STXBP5L: variants seen among roughly 807,000 people sequenced by gnomAD.
STXBP5L encodes the protein syntaxin binding protein 5L, also known as syntaxin-binding protein 5-like.
Under a neutral mutation model 144.5 loss-of-function variants are expected in STXBP5L, and 65 were observed. The ratio of observed to expected loss-of-function variants is 0.45; its 90% confidence interval spans 0.37 to 0.55. The LOEUF is 0.55. STXBP5L is among the 20% of genes least tolerant of loss of function. The probability of loss-of-function intolerance (pLI) is 0.00; values close to 1 mark genes in which losing one functional copy is unlikely to be tolerated. For missense variants in STXBP5L, 1,298 were observed against 1,405.5 expected (o/e 0.92, Z 1.22); for synonymous variants, 505 against 469.6 (o/e 1.08, Z -0.97).
chr3:121,337,947 G>A (rs1284001973), intron 20 of STXBP5L, among the ~76,000 whole-genome samples: 1 of 151,978 alleles, frequency 6.6e-6, no homozygotes, highest in Non-Finnish European at 1.5e-5. Flanking sequence ...ATCTGCTCCT[G>A]GATGATTTGG....
At chr3:121,193,525 A>G (rs2047792925) in intron 9 of STXBP5L, among the ~76,000 whole-genome samples, 1 of 152,210 alleles carries the variant, frequency 6.6e-6, no homozygotes. Flanking sequence ...ATGTACATGT[A>G]TGTTTATTGT....
intron 9 of STXBP5L, among the ~76,000 whole-genome samples, chr3:121,178,781 T>A (rs1417756021): frequency 1.3e-5 from 2 of 152,004 alleles, no homozygotes; most frequent in Non-Finnish European, 2.9e-5. Context: ...AGTCTCCAGC[T>A]CAAGCCCAGG....
At chr3:121,381,829 T>A (rs908465608) in intron 22 of STXBP5L, among the ~76,000 whole-genome samples, 1 of 152,126 alleles carries the variant, frequency 6.6e-6, no homozygotes, top group African/African-American at 2.4e-5. Context: ...ATGCAAAACT[T>A]AAATTTATTT....
intron 23 of STXBP5L, among the ~76,000 whole-genome samples, chr3:121,412,047 T>TTATTTA (rs3044700): frequency 0.79 from 119,457 of 151,368 alleles, 47,266 homozygotes; most frequent in East Asian, 0.89. Flanking sequence ...CCTGTGATTT[T>TTATTTA]TATGATTTTA....
intron 3 of STXBP5L, among the ~76,000 whole-genome samples, chr3:120,998,256 T>G (rs1943507685): frequency 6.6e-6 from 1 of 152,050 alleles, no homozygotes; most frequent in Admixed American, 6.6e-5. Flanking sequence ...GAGAAAGAAG[T>G]AAAGTCCTCC....
intron 5 of STXBP5L, among the ~76,000 whole-genome samples, chr3:121,079,968 G>T (rs116238660): frequency 2.6e-5 from 4 of 152,060 alleles, no homozygotes; most frequent in Non-Finnish European, 5.9e-5. Flanking sequence ...TTATTTCTTA[G>T]GTCTAGTACT....
chr3:120,931,624 GA>G (rs1325624570), intron 2 of STXBP5L, among the ~76,000 whole-genome samples: 1 of 152,112 alleles, frequency 6.6e-6, no homozygotes, highest in East Asian at 1.9e-4. Context: ...AAAGTTGCTA[GA>G]ATATGTTGCT....
At chr3:121,358,694 G>A (rs2045609704) in intron 20 of STXBP5L, among the ~76,000 whole-genome samples, 1 of 152,118 alleles carries the variant, frequency 6.6e-6, no homozygotes, top group African/African-American at 2.4e-5. Flanking sequence ...CTCTGTCCAT[G>A]AGTTTAATTG....
chr3:121,156,654 C>A (rs1267866180), intron 8 of STXBP5L, among the ~76,000 whole-genome samples: 1 of 151,834 alleles, frequency 6.6e-6, no homozygotes, highest in Non-Finnish European at 1.5e-5. Flanking sequence ...ACAGTCAGCC[C>A]TCCGTATCCA....
At position 121,302,179 on chromosome 3, in the gene STXBP5L, A is replaced by C. The variant is rs1229228587; in HGVS notation, c.2111-16296A>C. Reference sequence around the variant, plus strand: ...CGGCTGTGAATACATCTGGTCCTGGACTTTTTTTTGGTTGGTAATTAATTA... The same window carrying C: ...CGGCTGTGAATACATCTGGTCCTGGCCTTTTTTTTGGTTGGTAATTAATTA... On this transcript the variant is annotated intron_variant, in intron 19 of 26. Transcript: ENST00000471454. Among the ~76,000 whole-genome samples the C allele has an allele frequency of 2.6e-5, 4 of 152,050 alleles. No homozygotes were observed. In the East Asian group the frequency reaches 5.8e-4, roughly 22 times the overall value.
At chr3:120,961,176 T>C (rs1263302097) in intron 3 of STXBP5L, among the ~76,000 whole-genome samples, 8 of 145,536 alleles carry the variant, frequency 5.5e-5, no homozygotes, top group South Asian at 4.3e-4. Flanking sequence ...ATATCTCCTT[T>C]TTAGTTTTTG....
At chr3:121,332,393 G>A (rs1208018422) in intron 20 of STXBP5L, among the ~76,000 whole-genome samples, 11 of 134,056 alleles carry the variant, frequency 8.2e-5, no homozygotes, top group Admixed American at 1.6e-4. Flanking sequence ...CTTTTCTATA[G>A]AGATAGATAT....
intron 20 of STXBP5L, among the ~76,000 whole-genome samples, chr3:121,359,054 C>T (rs943248016): frequency 1.3e-5 from 2 of 152,172 alleles, no homozygotes; most frequent in South Asian, 2.1e-4. Flanking sequence ...TGCAGTTTTG[C>T]TATTTCATAT....
intron 20 of STXBP5L, among the ~76,000 whole-genome samples, chr3:121,377,989 A>T (rs1395785413): frequency 6.6e-6 from 1 of 152,242 alleles, no homozygotes; most frequent in Non-Finnish European, 1.5e-5. Context: ...CTATGCAGAC[A>T]TAAAAAAGAA....
chr3:121,052,327 A>G (rs1007668528), intron 5 of STXBP5L, among the ~76,000 whole-genome samples: 1 of 152,204 alleles, frequency 6.6e-6, no homozygotes. Flanking sequence ...CCTGATGAAC[A>G]TCGATGCAAA....
chr3:121,380,637 A>T (rs1384303208), intron 21 of STXBP5L, among the ~76,000 whole-genome samples: 1 of 151,972 alleles, frequency 6.6e-6, no homozygotes, highest in Admixed American at 6.6e-5. Flanking sequence ...AAAGATTACC[A>T]CTATCAACAG....
intron 2 of STXBP5L, among the ~76,000 whole-genome samples, chr3:120,921,778 T>TA (rs1228790733): frequency 6.6e-6 from 1 of 152,072 alleles, no homozygotes; most frequent in Admixed American, 6.5e-5. Context: ...TGGCTGTAAA[T>TA]GTGTGGATTT....
intron 14 of STXBP5L, among the ~76,000 whole-genome samples, chr3:121,246,191 T>C (rs868294683): frequency 6.6e-6 from 1 of 152,102 alleles, no homozygotes. Context: ...CTCATAGGAG[T>C]ACGAACCCTA....
chr3:121,023,458 C>G (rs1945705955), intron 3 of STXBP5L, among the ~76,000 whole-genome samples: 1 of 152,112 alleles, frequency 6.6e-6, no homozygotes, highest in Non-Finnish European at 1.5e-5. Context: ...GCAAAAAGAA[C>G]AAATATGGAG....
Sources: gnomAD v4.1 joint callset for allele counts (sites outside exome capture counted in the v4.1 genomes callset) on GRCh38, gnomAD v4.1.1 for gene constraint, MANE v1.5 for transcripts, NCBI Gene and HGNC (gene_info 2026-07-23, HGNC 2026-07-21) for gene names.